FBXO34: variants seen among roughly 807,000 people sequenced by gnomAD.
FBXO34 encodes the protein F-box protein 34, also known as F-box only protein 34.
A neutral mutation model predicts 24.5 loss-of-function variants in FBXO34; 12 were observed. That is an observed-to-expected ratio of 0.49 (90% CI 0.31 to 0.79). FBXO34 has a LOEUF of 0.79. Ranked by LOEUF, FBXO34 falls within the 30% of genes least tolerant of loss-of-function variation. FBXO34 has a pLI of 0.04. For missense variants in FBXO34, 823 were observed against 857.7 expected (o/e 0.96, Z 0.51); for synonymous variants, 320 against 311.9 (o/e 1.03, Z -0.27).
At chr14:55,436,872 A>G in the FBXO34 span, 1 of 1,614,096 alleles carries the variant, frequency 6.2e-7, no homozygotes, top group South Asian at 1.1e-5. Flanking sequence ...GTAGGAAGCT[A>G]AGATCCACAG....
the FBXO34 span, among the ~76,000 whole-genome samples, chr14:55,416,164 C>T: frequency 6.6e-6 from 1 of 152,118 alleles, no homozygotes; most frequent in African/African-American, 2.4e-5. Context: ...CTAGGTAGAG[C>T]CGGTGGTATA....
downstream of FBXO34, among the ~76,000 whole-genome samples, chr14:55,358,473 C>A (rs540425523): frequency 6.6e-6 from 1 of 152,200 alleles, no homozygotes; most frequent in Non-Finnish European, 1.5e-5. Flanking sequence ...TACTGAGCCA[C>A]GCCTCAGCCA....
At chr14:55,319,932 A>G (rs1376556376) in intron 1 of FBXO34, among the ~76,000 whole-genome samples, 2 of 152,114 alleles carry the variant, frequency 1.3e-5, no homozygotes, top group Non-Finnish European at 2.9e-5. Context: ...TCAGCCTCCT[A>G]AAGTGCTAGG....
At chr14:55,358,743 G>GC (rs1177933718) in intron 3 of FBXO34, among the ~76,000 whole-genome samples, 1 of 152,192 alleles carries the variant, frequency 6.6e-6, no homozygotes, top group Admixed American at 6.5e-5. Flanking sequence ...GTAGTAGTGG[G>GC]CAGGGTAGTG....
At chr14:55,358,711 G>C (rs942738987) in intron 3 of FBXO34, among the ~76,000 whole-genome samples, 1 of 152,236 alleles carries the variant, frequency 6.6e-6, no homozygotes, top group African/African-American at 2.4e-5. Flanking sequence ...CAGCTGCCTG[G>C]TTGGGGGTAG....
chr14:55,282,698 A>C (rs996161404), intron 1 of FBXO34: 3 of 152,176 alleles, frequency 2.0e-5, no homozygotes, highest in Admixed American at 6.5e-5. Context: ...TGTGTTTTCT[A>C]CTCTGCTTGT....
chr14:55,439,614 A>ACC, the FBXO34 span, among the ~76,000 whole-genome samples: 456 of 84,588 alleles, frequency 5.4e-3, 39 homozygotes, highest in East Asian at 0.014. Flanking sequence ...AGAAAAGCAA[A>ACC]CCCCCCCCCG....
intron 1 of FBXO34, among the ~76,000 whole-genome samples, chr14:55,341,606 T>C (rs1366945892): frequency 6.6e-6 from 1 of 152,208 alleles, no homozygotes; most frequent in Non-Finnish European, 1.5e-5. Flanking sequence ...TCCTTGGAAA[T>C]TAAATTTTCC....
At chr14:55,355,238 G>A (rs1884502887), downstream of FBXO34, 1 of 152,326 alleles carries the variant, frequency 6.6e-6, no homozygotes, top group Non-Finnish European at 1.5e-5. Flanking sequence ...AGTAACATTT[G>A]CTTTTTTAGG....
At chr14:55,331,607 AATATAAAATATATAAAAATAT>A (rs1450411052) in intron 1 of FBXO34, among the ~76,000 whole-genome samples, 11 of 142,018 alleles carry the variant, frequency 7.7e-5, no homozygotes, top group South Asian at 2.1e-4. Flanking sequence ...TATATAAAAA[AATATAAAATATATAAAAATAT>A]ATATAAAATA....
the FBXO34 span, among the ~76,000 whole-genome samples, chr14:55,410,734 A>G: frequency 6.6e-6 from 1 of 152,222 alleles, no homozygotes; most frequent in Non-Finnish European, 1.5e-5. Flanking sequence ...CAGCTTCCTA[A>G]TAAGTTGGGG....
intron 1 of FBXO34, among the ~76,000 whole-genome samples, chr14:55,332,629 T>C (rs1298610012): frequency 1.3e-5 from 2 of 152,238 alleles, no homozygotes; most frequent in African/African-American, 2.4e-5. Flanking sequence ...TATGGACATA[T>C]TGTCAAATGT....
At chr14:55,411,180 TTTGA>T in the FBXO34 span, among the ~76,000 whole-genome samples, 1 of 152,252 alleles carries the variant, frequency 6.6e-6, no homozygotes, top group Non-Finnish European at 1.5e-5. Flanking sequence ...AAAGCAGTTA[TTTGA>T]TTCTCTTCTA....
intron 1 of FBXO34, among the ~76,000 whole-genome samples, chr14:55,290,211 T>C (rs1284431615): frequency 5.3e-5 from 8 of 151,968 alleles, no homozygotes; most frequent in Admixed American, 6.5e-5. Context: ...CTGGCCAACA[T>C]GGTGAAACCC....
the FBXO34 span, among the ~76,000 whole-genome samples, chr14:55,379,665 G>C: frequency 6.6e-6 from 1 of 152,190 alleles, no homozygotes; most frequent in Non-Finnish European, 1.5e-5. Context: ...ATGATAGTTG[G>C]AGGGTAGTAG....
the FBXO34 span, among the ~76,000 whole-genome samples, chr14:55,407,893 A>G: frequency 6.6e-6 from 1 of 152,134 alleles, no homozygotes; most frequent in African/African-American, 2.4e-5. Flanking sequence ...CAAGGTATCA[A>G]TCAGGAGGAA....
At chr14:55,403,227 G>A in the FBXO34 span, among the ~76,000 whole-genome samples, 1 of 151,808 alleles carries the variant, frequency 6.6e-6, no homozygotes. Context: ...GAAAGCAGTG[G>A]GTACAGATGC....
At chr14:55,407,358 T>C in the FBXO34 span, among the ~76,000 whole-genome samples, 1 of 152,190 alleles carries the variant, frequency 6.6e-6, no homozygotes, top group Non-Finnish European at 1.5e-5. Flanking sequence ...CTCGGTCTCT[T>C]GACCTTGTAA....
the FBXO34 span, among the ~76,000 whole-genome samples, chr14:55,433,071 G>A: frequency 1.3e-5 from 2 of 152,256 alleles, no homozygotes; most frequent in East Asian, 1.9e-4. Context: ...TTGTAGCAGC[G>A]CAGTTAAGTC....
Sources: gnomAD v4.1 joint callset for allele counts (sites outside exome capture counted in the v4.1 genomes callset) on GRCh38, gnomAD v4.1.1 for gene constraint, MANE v1.5 for transcripts, NCBI Gene and HGNC (gene_info 2026-07-23, HGNC 2026-07-21) for gene names.